ZEB1: variants seen among roughly 807,000 people sequenced by gnomAD.
ZEB1 encodes zinc finger E-box-binding homeobox 1.
In ZEB1, 21 loss-of-function variants were observed where a neutral mutation model predicts 84.9. The observed-to-expected ratio is 0.25, with a 90% confidence interval of 0.18 to 0.36. ZEB1 has a LOEUF of 0.36. ZEB1 is among the 10% of genes least tolerant of loss of function. The probability of loss-of-function intolerance (pLI) is 1.00; values close to 1 mark genes in which losing one functional copy is unlikely to be tolerated. For missense variants in ZEB1, 1,104 were observed against 1,330.2 expected (o/e 0.83, Z 2.65); for synonymous variants, 420 against 471.1 (o/e 0.89, Z 1.41).
intron 1 of ZEB1, among the ~76,000 whole-genome samples, chr10:31,370,024 G>A (rs1215278010): frequency 6.6e-6 from 1 of 152,096 alleles, no homozygotes; most frequent in East Asian, 1.9e-4. Flanking sequence ...GCCTGTTTAG[G>A]TTCTTTGCCC....
In ZEB1 at chr10:31,527,395, A is replaced by AAAAATAC; in HGVS notation, c.*143_*149dup. On this transcript the variant is annotated 3_prime_UTR_variant, in exon 9 of 9. Transcript: ENST00000424869. Reference sequence around the variant, plus strand: ...CACTACTGTGTAAAGTAAAAACTAAAAAAATACAAAATACAAAACACACAC... The same window carrying AAAAATAC: ...CACTACTGTGTAAAGTAAAAACTAAAAAAATACAAAATACAAAATACAAAACACACAC... 9.2e-7 allele frequency: 1 copy of AAAAATAC among 1,091,314 alleles called. No individual in the cohort carries two copies. The highest frequency in any genetic ancestry group is 2.4e-5 in the Admixed American group (1 of 41,802). The allele number at this position is 1,091,314 out of a possible 1,614,324, so 67.6% of individuals were successfully genotyped here.
At chr10:31,324,252 G>A (rs922624614) in intron 1 of ZEB1, among the ~76,000 whole-genome samples, 1 of 151,968 alleles carries the variant, frequency 6.6e-6, no homozygotes, top group Non-Finnish European at 1.5e-5. Context: ...CCTTTCTCTA[G>A]TCTCTAGTAT....
chr10:31,448,138 C>T (rs527372131), intron 1 of ZEB1, among the ~76,000 whole-genome samples: 5,851 of 140,186 alleles, frequency 0.042, 145 homozygotes, highest in African/African-American at 0.12. Flanking sequence ...CTCTAAACTT[C>T]CCTTCTCGCT....
intron 6 of ZEB1, among the ~76,000 whole-genome samples, chr10:31,519,191 C>CT (rs2071778982): frequency 2.0e-5 from 3 of 152,270 alleles, no homozygotes; most frequent in Admixed American, 6.5e-5. Context: ...CTTACTGAAG[C>CT]TTATAGTCTG....
intron 1 of ZEB1, among the ~76,000 whole-genome samples, chr10:31,355,818 T>A (rs1367750795): frequency 6.6e-6 from 1 of 152,166 alleles, no homozygotes; most frequent in Non-Finnish European, 1.5e-5. Flanking sequence ...CTTCAGGATT[T>A]TTTGACCTAT....
Position 31,527,423 on chromosome 10 carries a change from A to G in ZEB1, c.*159A>G. 1.5e-6 allele frequency: 1 copy of G among 660,786 alleles called. No individual in the cohort carries two copies. The highest frequency in any genetic ancestry group is 3.2e-5 in the Admixed American group (1 of 31,726). 40.9% of individuals were successfully genotyped at this position (660,786 alleles called of 1,614,324 possible). A position where few individuals can be genotyped will look rare whatever the true frequency, so the allele number is the denominator to read the frequency against. ...AATACAAAATACAAAACACACACAC[A>G]CACACACACACACACACACACACAC... On this transcript the variant is annotated 3_prime_UTR_variant, in exon 9 of 9. Transcript: ENST00000424869.
chr10:31,411,712 GAGAA>G (rs1273183805), intron 1 of ZEB1, among the ~76,000 whole-genome samples: 2 of 148,784 alleles, frequency 1.3e-5, no homozygotes, highest in Admixed American at 1.3e-4. Context: ...TCTCCCACAA[GAGAA>G]AGCAGGAAAG....
intron 3 of ZEB1, among the ~76,000 whole-genome samples, chr10:31,499,541 A>G (rs761463246): frequency 5.9e-5 from 9 of 152,154 alleles, no homozygotes; most frequent in Non-Finnish European, 8.8e-5. Flanking sequence ...TCAGTGTGTC[A>G]ATACATATTT....
intron 1 of ZEB1, among the ~76,000 whole-genome samples, chr10:31,367,992 C>T (rs749268087): frequency 2.0e-5 from 3 of 151,614 alleles, no homozygotes; most frequent in African/African-American, 4.9e-5. Context: ...GACATACACA[C>T]GTAGATGCAT....
At chr10:31,445,916 T>C (rs530950961) in intron 1 of ZEB1, among the ~76,000 whole-genome samples, 8,711 of 125,434 alleles carry the variant, frequency 0.069, 454 homozygotes, top group African/African-American at 0.15. Context: ...GGTATCAGAA[T>C]GATGCTGGCC....
intron 1 of ZEB1, among the ~76,000 whole-genome samples, chr10:31,351,073 A>G (rs2041243100): frequency 6.6e-6 from 1 of 152,180 alleles, no homozygotes; most frequent in East Asian, 1.9e-4. Flanking sequence ...CCAAATAGCA[A>G]CCTTGTGTGA....
chr10:31,419,656 A>T (rs1167245391), intron 1 of ZEB1, among the ~76,000 whole-genome samples: 3 of 152,132 alleles, frequency 2.0e-5, no homozygotes, highest in African/African-American at 7.2e-5. Context: ...TAAGTTGGAT[A>T]TTTTTGAGGA....
In ZEB1 at chr10:31,443,406, TTTC is replaced by T. The variant is rs2059292244; in HGVS notation, c.59-17625_59-17623del. Among the ~76,000 whole-genome samples the T allele has an allele frequency of 2.0e-5, 3 of 150,280 alleles. No individual in the cohort carries two copies. In the South Asian group the frequency reaches 6.3e-4, roughly 32 times the overall value. ...GGTTTGTAAAAGGATTTGCCTATAT[TTTC>T]TTCTTTTTTTTTTTTATTATACTTT... On this transcript the variant is annotated intron_variant, in intron 1 of 8. Coordinates refer to ENST00000424869, the MANE Select transcript of ZEB1 (RefSeq NM_001174096.2).
chr10:31,357,204 T>A (rs2042255812), intron 1 of ZEB1, among the ~76,000 whole-genome samples: 1 of 152,142 alleles, frequency 6.6e-6, no homozygotes, highest in African/African-American at 2.4e-5. Flanking sequence ...TAAACTAAGT[T>A]CAAAAAGAAA....
chr10:31,318,978 T>C (rs1487475779), upstream of ZEB1: 3 of 539,918 alleles, frequency 5.6e-6, no homozygotes, highest in South Asian at 3.8e-5. Flanking sequence ...CCACCACACC[T>C]GAGGAAAACT....
At chr10:31,421,171 A>G (rs2056099915) in intron 1 of ZEB1, among the ~76,000 whole-genome samples, 1 of 152,092 alleles carries the variant, frequency 6.6e-6, no homozygotes, top group Non-Finnish European at 1.5e-5. Flanking sequence ...CTGTGCATGG[A>G]TGATTGGGAG....
intron 1 of ZEB1, 93 bp from the exon 2 acceptor site, chr10:31,460,944 T>A: frequency 1.0e-6 from 1 of 987,538 alleles, no homozygotes; most frequent in South Asian, 1.4e-5. Flanking sequence ...TGAATTACAA[T>A]CTGTTTTAAG....
intron 2 of ZEB1, among the ~76,000 whole-genome samples, chr10:31,482,441 C>G (rs569824826): frequency 1.5e-4 from 22 of 147,698 alleles, no homozygotes; most frequent in African/African-American, 5.5e-4. Context: ...ACACATGATA[C>G]AGTGTAGCAT....
At chr10:31,425,105 G>A (rs2056757555) in intron 1 of ZEB1, among the ~76,000 whole-genome samples, 1 of 152,120 alleles carries the variant, frequency 6.6e-6, no homozygotes, top group East Asian at 1.9e-4. Context: ...AACTCCTGAA[G>A]AAATTTGGGA....
Sources: gnomAD v4.1 joint callset for allele counts (sites outside exome capture counted in the v4.1 genomes callset) on GRCh38, gnomAD v4.1.1 for gene constraint, MANE v1.5 for transcripts, NCBI Gene and HGNC (gene_info 2026-07-23, HGNC 2026-07-21) for gene names.